CDS2: variants seen among roughly 807,000 people sequenced by gnomAD.
The protein encoded by CDS2 is phosphatidate cytidylyltransferase 2.
In CDS2, 47 loss-of-function variants were observed where a neutral mutation model predicts 59.0. The ratio of observed to expected loss-of-function variants is 0.80; its 90% CI spans 0.63 to 1.02. CDS2 has a LOEUF of 1.02. Among genes scored for constraint, CDS2 ranks in the 50% least tolerant of loss-of-function variants. The probability of loss-of-function intolerance (pLI) is 0.00; values close to 1 mark genes in which losing one functional copy is unlikely to be tolerated. For synonymous variants in CDS2, 207 were observed against 206.4 expected, an observed-to-expected ratio of 1.00 and a Z score of -0.02; for missense variants, 356 against 558.9, an observed-to-expected ratio of 0.64 and a Z score of 3.66.
intron 8 of CDS2, 122 bp downstream of exon 8, chr20:5,185,067 G>T: frequency 1.4e-6 from 1 of 722,248 alleles, no homozygotes; most frequent in Non-Finnish European, 2.5e-6. Flanking sequence ...ATGTCTTCAT[G>T]TCTTCCTGGA....
At chr20:5,135,188 T>C (rs2090639132) in intron 1 of CDS2, among the ~76,000 whole-genome samples, 2 of 152,168 alleles carry the variant, frequency 1.3e-5, no homozygotes, top group African/African-American at 4.8e-5. Flanking sequence ...CGCCTCGGCC[T>C]CTCAAAGGGC....
chr20:5,186,557 C>G lies in CDS2; in HGVS notation c.829-130C>G, dbSNP rs1044080886. The stretch of plus-strand genomic sequence containing the variant: ...AAAATATGTATGGTAAAACATGAAC[C>G]TCTGAGCACATAGCTCGCAGTTAGC... On this transcript the variant is annotated intron_variant, in intron 9 of 12. Coordinates refer to ENST00000460006, the MANE Select transcript of CDS2 (RefSeq NM_003818.4). The G allele has an allele frequency of 1.5e-5, 12 of 794,346 alleles. No individual in the cohort carries two copies. In the African/African-American group the frequency reaches 1.7e-4, roughly 11 times the overall value. The allele number at this position is 794,346 out of a possible 1,614,324, so 49.2% of individuals were successfully genotyped here.
At chr20:5,134,141 G>C (rs1312023809) in intron 1 of CDS2, among the ~76,000 whole-genome samples, 1 of 152,164 alleles carries the variant, frequency 6.6e-6, no homozygotes, top group Non-Finnish European at 1.5e-5. Flanking sequence ...CACTTTCCTG[G>C]GAGTGGCCAC....
At position 5,158,164 on chromosome 20, in the gene CDS2, CT is replaced by C. The variant is rs397865587; in HGVS notation, c.58-15338del. On this transcript the variant is annotated intron_variant, in intron 1 of 12. Coordinates refer to ENST00000460006, the MANE Select transcript of CDS2 (RefSeq NM_003818.4). ...CAAAAGATTGGCTCCTGCTTTAGGT[CT>C]TTTTTTTTTTTTTTTTTTTTAAGAC... 7.6e-3 allele frequency among the ~76,000 whole-genome samples: 822 copies of C among 107,844 alleles called. 4 individuals carry two copies. Among genetic ancestry groups the C allele is most frequent in the African/African-American group, 1.0e-2 (290 of 29,094 alleles). The allele number at this position is 107,844 out of a possible 152,430, so 70.7% of individuals were successfully genotyped here.
chr20:5,186,708 T>C lies in CDS2; in HGVS notation c.850T>C (p.Tyr284His), dbSNP rs1244489500. ...TCAGCTGTCCTATGTGATGTCCGGG[T>C]ACAGATGCTTTGTCTGCCCTGTGGA... ...GLLLSYVMSG[Y>H]RCFVCPVEYN... is the part of the protein sequence containing the mutation. Residue 284 changes from tyrosine to histidine, a missense_variant, in exon 10 of 13, where the codon TAC becomes CAC. Tyr to His is a moderately conservative substitution (Grantham distance 83, BLOSUM62 2). Transcript: ENST00000460006. 6.2e-7 allele frequency: 1 copy of C among 1,614,054 alleles called. No individual in the cohort carries two copies. The highest frequency in any genetic ancestry group is 1.3e-5 in the African/African-American group (1 of 75,016).
At chr20:5,161,198 A>G (rs1293062172) in intron 1 of CDS2, among the ~76,000 whole-genome samples, 1 of 152,144 alleles carries the variant, frequency 6.6e-6, no homozygotes, top group Non-Finnish European at 1.5e-5. Context: ...GTTTTTTCAC[A>G]TCTTCTCCAG....
intron 1 of CDS2, among the ~76,000 whole-genome samples, chr20:5,170,699 C>G (rs1198843258): frequency 6.6e-6 from 1 of 152,142 alleles, no homozygotes; most frequent in Non-Finnish European, 1.5e-5. Flanking sequence ...CGGCTGAGGC[C>G]CAGGGAACCT....
chr20:5,155,034 A>G (rs1162602822), intron 1 of CDS2, among the ~76,000 whole-genome samples: 1 of 152,244 alleles, frequency 6.6e-6, no homozygotes, highest in African/African-American at 2.4e-5. Flanking sequence ...TCCATAGGGC[A>G]AGATTGAACC....
rs111384090 is a variant in CDS2, at chr20:5,150,249, G to T, written c.57+23100G>T. ...CTGACCATGCAATGACCAGTTGTCT[G>T]CCTGTGTCCATTTCTAGAAACAGGC... On this transcript the variant is annotated intron_variant, in intron 1 of 12. Transcript: ENST00000460006. 1.4e-4 allele frequency among the ~76,000 whole-genome samples: 21 copies of T among 152,322 alleles called. 1 individual carries two copies. The highest frequency in any genetic ancestry group is 5.1e-4 in the African/African-American group (21 of 41,574).
chr20:5,160,573 A>G (rs2090869313), intron 1 of CDS2, among the ~76,000 whole-genome samples: 1 of 152,230 alleles, frequency 6.6e-6, no homozygotes, highest in Non-Finnish European at 1.5e-5. Context: ...CATAAAATTG[A>G]TAATTTTAAC....
Position 5,190,339 on chromosome 20 carries a change from GTCT to G in CDS2, c.*107_*109del. The G allele has an allele frequency of 1.2e-6, 1 of 869,242 alleles. No individual in the cohort carries two copies. The highest frequency in any genetic ancestry group is 1.6e-6 in the Non-Finnish European group (1 of 617,340). 53.8% of individuals were successfully genotyped at this position (869,242 alleles called of 1,614,324 possible). Reference sequence around the variant, plus strand: ...GACAATGACGAGGCTTCAACTCACTGTCTTTTTTTTTTTTTTTTGGAGGGTATT... The same window carrying G: ...GACAATGACGAGGCTTCAACTCACTGTTTTTTTTTTTTTTTGGAGGGTATT... On this transcript the variant is annotated 3_prime_UTR_variant, in exon 13 of 13. Transcript: ENST00000460006.
chr20:5,138,244 C>T (rs2122962655), intron 1 of CDS2, among the ~76,000 whole-genome samples: 1 of 151,920 alleles, frequency 6.6e-6, no homozygotes, highest in South Asian at 2.1e-4. Flanking sequence ...GCCACCATAC[C>T]CAGCCTCGAG....
chr20:5,178,714 G>A lies in CDS2; in HGVS notation c.390-103G>A, dbSNP rs181429506. 233 of 1,172,682 alleles carry A rather than the reference G, an allele frequency of 2.0e-4. No homozygotes were observed. In the African/African-American group the frequency reaches 3.0e-3, roughly 15 times the overall value. The allele number at this position is 1,172,682 out of a possible 1,614,324, so 72.6% of individuals were successfully genotyped here. A position where few individuals can be genotyped will look rare whatever the true frequency, so the allele number is the denominator to read the frequency against. The stretch of plus-strand genomic sequence containing the variant: ...GAGCTGTCCCGGGGGACTCAAGGGT[G>A]GGGGGTATTCTGCTGCCCTCTGTCC... On this transcript the variant is annotated intron_variant, in intron 4 of 12. Transcript: ENST00000460006.
chr20:5,185,470 T>G (rs2091060620), intron 8 of CDS2, among the ~76,000 whole-genome samples: 1 of 152,216 alleles, frequency 6.6e-6, no homozygotes, highest in Admixed American at 6.5e-5. Flanking sequence ...TAATCTTTTT[T>G]GGGGACACAT....
At chr20:5,178,472 A>G (rs534510165) in intron 4 of CDS2, among the ~76,000 whole-genome samples, 2 of 152,328 alleles carry the variant, frequency 1.3e-5, no homozygotes, top group South Asian at 4.1e-4. Flanking sequence ...GGAAGAGTGG[A>G]AACGAGACTG....
intron 1 of CDS2, among the ~76,000 whole-genome samples, chr20:5,143,006 C>G (rs2090707974): frequency 6.6e-6 from 1 of 152,064 alleles, no homozygotes. Flanking sequence ...CCATGTCTGG[C>G]TAATTTTTGT....
intron 1 of CDS2, among the ~76,000 whole-genome samples, chr20:5,144,817 C>G (rs185859425): frequency 0.012 from 1,866 of 152,232 alleles, 46 homozygotes; most frequent in African/African-American, 0.041. Context: ...CAGAGGGTTT[C>G]CAACTGTGTT....
chr20:5,167,652 A>G (rs2090922753), intron 1 of CDS2, among the ~76,000 whole-genome samples: 1 of 152,178 alleles, frequency 6.6e-6, no homozygotes, highest in South Asian at 2.1e-4. Flanking sequence ...AAGGATGCTT[A>G]TTAAGGATAA....
Position 5,183,122 on chromosome 20 carries a change from A to G in CDS2, c.650A>G (p.Asn217Ser). 6.2e-7 allele frequency: 1 copy of G among 1,613,954 alleles called. No homozygotes were observed. Among genetic ancestry groups the G allele is most frequent in the Non-Finnish European group, 8.5e-7 (1 of 1,179,910 alleles). ...VVTQSHLVIH[N>S]LFEGMIWFIV... Reference sequence around the variant, plus strand: ...ACACAGTCACATCTTGTTATCCACAACCTATTTGAAGGAATGATCTGGTGA... The same window carrying G: ...ACACAGTCACATCTTGTTATCCACAGCCTATTTGAAGGAATGATCTGGTGA... The change falls in exon 7 of 13, where the codon AAC becomes AGC. Residue 217 changes from asparagine (N) to serine (S), a missense_variant. Asn to Ser is a conservative substitution (Grantham distance 46, BLOSUM62 1). Transcript: ENST00000460006.
Sources: allele counts gnomAD v4.1 joint callset (sites outside exome capture counted in the v4.1 genomes callset), GRCh38; gene constraint gnomAD v4.1.1; transcripts MANE v1.5; gene names NCBI Gene and HGNC (gene_info 2026-07-23, HGNC 2026-07-21).